PDE4D: variants seen among roughly 807,000 people sequenced by gnomAD.
PDE4D encodes 3',5'-cyclic-AMP phosphodiesterase 4D.
In PDE4D, 24 loss-of-function variants were observed where a neutral mutation model predicts 87.4. That is an observed-to-expected ratio of 0.27 (90% CI 0.20 to 0.39). The LOEUF (loss-of-function observed/expected upper bound fraction) is 0.39. Among genes scored for constraint, PDE4D ranks in the 10% least tolerant of loss-of-function variants. The pLI is 1.00. For missense variants in PDE4D, 714 were observed against 1,041.0 expected (o/e 0.69, Z 4.32); for synonymous variants, 384 against 383.2 (o/e 1.00, Z -0.02).
intron 11 of PDE4D, among the ~76,000 whole-genome samples, chr5:58,982,631 C>A (rs1253537775): frequency 6.6e-6 from 1 of 152,300 alleles, no homozygotes; most frequent in East Asian, 1.9e-4. Context: ...GCTGATCCCC[C>A]CAAAATGGTG....
At chr5:60,072,898 T>C (rs1295768833) in intron 2 of PDE4D, among the ~76,000 whole-genome samples, 1 of 152,184 alleles carries the variant, frequency 6.6e-6, no homozygotes, top group Non-Finnish European at 1.5e-5. Context: ...ACCGTATCCC[T>C]GTAGAATAGT....
At chr5:59,245,102 G>C (rs984413623) in intron 1 of PDE4D, among the ~76,000 whole-genome samples, 2 of 152,038 alleles carry the variant, frequency 1.3e-5, no homozygotes, top group Admixed American at 6.6e-5. Flanking sequence ...TCTGCAACAT[G>C]CTTCTTGCTG....
At chr5:59,792,910 T>TA (rs933740121) in intron 1 of PDE4D, among the ~76,000 whole-genome samples, 6 of 152,142 alleles carry the variant, frequency 3.9e-5, no homozygotes, top group African/African-American at 1.4e-4. Context: ...GTGGCTGTGT[T>TA]AAAAAATGAC....
At chr5:59,208,143 C>A (rs557433564) in intron 2 of PDE4D, among the ~76,000 whole-genome samples, 7 of 151,990 alleles carry the variant, frequency 4.6e-5, no homozygotes, top group Non-Finnish European at 7.4e-5. Flanking sequence ...CTCCAACCTG[C>A]GCAACAGAGT....
At chr5:59,387,436 G>C (rs759660463) in intron 1 of PDE4D, among the ~76,000 whole-genome samples, 47 of 152,042 alleles carry the variant, frequency 3.1e-4, no homozygotes, top group Admixed American at 3.9e-4. Flanking sequence ...AATAATAATG[G>C]AGAAAAAAAG....
At chr5:60,116,797 A>C (rs188036267) in intron 2 of PDE4D, among the ~76,000 whole-genome samples, 2 of 152,190 alleles carry the variant, frequency 1.3e-5, no homozygotes, top group Admixed American at 1.3e-4. Flanking sequence ...AAAATAATAT[A>C]TTATAATCAA....
At chr5:59,965,743 C>T (rs1759970928) in intron 3 of PDE4D, among the ~76,000 whole-genome samples, 1 of 152,158 alleles carries the variant, frequency 6.6e-6, no homozygotes, top group Admixed American at 6.5e-5. Context: ...ACTAAAGTTA[C>T]TAAGTCTAAA....
chr5:59,519,429 C>T (rs190983965), intron 1 of PDE4D, among the ~76,000 whole-genome samples: 10 of 152,258 alleles, frequency 6.6e-5, no homozygotes, highest in African/African-American at 2.2e-4. Flanking sequence ...AGGATGGAAC[C>T]AGCCATCCAG....
chr5:60,214,321 C>A (rs1007035549), intron 1 of PDE4D, among the ~76,000 whole-genome samples: 2 of 152,180 alleles, frequency 1.3e-5, no homozygotes, highest in Non-Finnish European at 2.9e-5. Context: ...TTTTCTCCAG[C>A]AAATTCATAG....
intron 1 of PDE4D, among the ~76,000 whole-genome samples, chr5:59,749,094 T>G (rs1404028136): frequency 6.6e-6 from 1 of 152,180 alleles, no homozygotes; most frequent in Non-Finnish European, 1.5e-5. Context: ...TTGGGGAAAT[T>G]TGTTATATTC....
At chr5:59,832,247 G>A (rs1741355353) in intron 1 of PDE4D, among the ~76,000 whole-genome samples, 1 of 152,064 alleles carries the variant, frequency 6.6e-6, no homozygotes, top group Non-Finnish European at 1.5e-5. Flanking sequence ...GTGTGGTTTA[G>A]TGACTTGGTG....
rs576408517 is a variant in PDE4D, at chr5:60,043,412, C to G, written c.43-54695G>C. ...GTAGAATATCCCCAACCCAGCAAGA[C>G]AGGCCAACATTCAAATTCAGGAAAT... On this transcript the variant is annotated intron_variant, in intron 2 of 16. Transcript: ENST00000502484. Among the ~76,000 whole-genome samples the G allele has an allele frequency of 3.3e-5, 5 of 152,248 alleles. No individual in the cohort carries two copies. The South Asian group carries it at 8.3e-4, about 25-fold the overall frequency.
chr5:59,389,531 C>T (rs895002724), intron 1 of PDE4D, among the ~76,000 whole-genome samples: 2 of 151,982 alleles, frequency 1.3e-5, no homozygotes, highest in African/African-American at 4.8e-5. Flanking sequence ...TAATAGAAAA[C>T]AGTATGGAAG....
intron 2 of PDE4D, among the ~76,000 whole-genome samples, chr5:60,099,187 C>A (rs751453873): frequency 6.6e-6 from 1 of 151,894 alleles, no homozygotes; most frequent in Non-Finnish European, 1.5e-5. Flanking sequence ...TGTGAGTACC[C>A]TTCCATGTGA....
At chr5:59,459,803 A>C (rs1800485831) in intron 1 of PDE4D, among the ~76,000 whole-genome samples, 1 of 152,212 alleles carries the variant, frequency 6.6e-6, no homozygotes, top group Non-Finnish European at 1.5e-5. Context: ...ATCTCTAATC[A>C]TCTGACAAAG....
At chr5:59,814,681 C>T (rs373322608) in intron 1 of PDE4D, among the ~76,000 whole-genome samples, 3 of 152,296 alleles carry the variant, frequency 2.0e-5, no homozygotes, top group African/African-American at 7.2e-5. Context: ...CCAGACCTCT[C>T]GCCACAAAAG....
At chr5:60,125,745 T>C (rs1009007758) in intron 2 of PDE4D, among the ~76,000 whole-genome samples, 1 of 152,192 alleles carries the variant, frequency 6.6e-6, no homozygotes, top group Non-Finnish European at 1.5e-5. Flanking sequence ...GAATTTCTGG[T>C]ACACAATTGG....
chr5:59,898,612 G>A (rs1298948258), upstream of PDE4D, among the ~76,000 whole-genome samples: 1 of 152,190 alleles, frequency 6.6e-6, no homozygotes, highest in African/African-American at 2.4e-5. Flanking sequence ...TTGGGGAGAT[G>A]AAGGAGTAAA....
At chr5:59,305,815 C>T (rs1771213569) in intron 1 of PDE4D, among the ~76,000 whole-genome samples, 6 of 152,010 alleles carry the variant, frequency 3.9e-5, no homozygotes, top group Non-Finnish European at 1.5e-5. Flanking sequence ...ATTTTATGGC[C>T]TATCATATGG....
Sources: gnomAD v4.1 joint callset for allele counts (sites outside exome capture counted in the v4.1 genomes callset) on GRCh38, gnomAD v4.1.1 for gene constraint, MANE v1.5 for transcripts, NCBI Gene and HGNC (gene_info 2026-07-23, HGNC 2026-07-21) for gene names.